MMP16: variants seen among roughly 807,000 people sequenced by gnomAD.
MMP16 encodes matrix metalloproteinase-16.
A neutral mutation model predicts 67.8 loss-of-function variants in MMP16; 12 were observed. That is an observed-to-expected ratio of 0.18 (90% CI 0.11 to 0.29). The LOEUF is 0.29. Ranked by LOEUF, MMP16 falls within the 10% of genes least tolerant of loss-of-function variation. MMP16 has a pLI of 1.00. For synonymous variants in MMP16, 249 were observed against 255.9 expected (o/e 0.97, Z 0.26); for missense variants, 475 against 765.7 (o/e 0.62, Z 4.48).
chr8:88,205,337 G>A (rs1326997442), intron 1 of MMP16, among the ~76,000 whole-genome samples: 1 of 152,032 alleles, frequency 6.6e-6, no homozygotes, highest in Non-Finnish European at 1.5e-5. Flanking sequence ...GAAAGCCTAG[G>A]AGACCCTATT....
chr8:88,322,649 T>C (rs577035332), intron 1 of MMP16, among the ~76,000 whole-genome samples: 190 of 151,260 alleles, frequency 1.3e-3, no homozygotes, highest in Non-Finnish European at 2.4e-3. Flanking sequence ...GACAACATAG[T>C]GAGATCTTGT....
chr8:88,327,428 C>G lies in MMP16; in HGVS notation c.-222G>C, dbSNP rs1000422180. ...GTCAGCAGTAGTTCCTGTTCACCAT[C>G]CTCCGGGGTCAGTCACCGGGAACGT... On this transcript the variant is annotated 5_prime_UTR_variant, in exon 1 of 10. Coordinates refer to ENST00000286614, the MANE Select transcript of MMP16 (RefSeq NM_005941.5). 9 of 517,724 alleles carry G rather than the reference C, an allele frequency of 1.7e-5. No homozygotes were observed. In the Admixed American group the frequency reaches 1.9e-4, roughly 11 times the overall value. The allele number at this position is 517,724 out of a possible 1,614,324, so 32.1% of individuals were successfully genotyped here. A position where few individuals can be genotyped will look rare whatever the true frequency, so the allele number is the denominator to read the frequency against.
At chr8:88,176,966 T>C (rs1808903292) in intron 3 of MMP16, among the ~76,000 whole-genome samples, 1 of 152,172 alleles carries the variant, frequency 6.6e-6, no homozygotes. Flanking sequence ...ATTGCATCGA[T>C]TTTGTGGAAA....
intron 6 of MMP16, among the ~76,000 whole-genome samples, chr8:88,096,983 A>G (rs568287662): frequency 2.0e-5 from 3 of 152,014 alleles, no homozygotes; most frequent in Non-Finnish European, 4.4e-5. Flanking sequence ...ATTTCATTGA[A>G]AGAAAAGACA....
intron 1 of MMP16, among the ~76,000 whole-genome samples, chr8:88,281,441 CATCCTGAAGGAAAGATGTA>C (rs769423489): frequency 1.3e-5 from 2 of 152,174 alleles, no homozygotes; most frequent in Non-Finnish European, 2.9e-5. Flanking sequence ...TTTTCAAAAT[CATCCTGAAGGAAAGATGTA>C]ATACAGGAAT....
At chr8:88,249,073 C>T (rs760849059) in intron 1 of MMP16, among the ~76,000 whole-genome samples, 3 of 151,660 alleles carry the variant, frequency 2.0e-5, no homozygotes, top group Non-Finnish European at 4.4e-5. Flanking sequence ...CTCAGAGACG[C>T]CTGGAACCAA....
intron 6 of MMP16, among the ~76,000 whole-genome samples, chr8:88,085,314 A>G (rs959727983): frequency 6.6e-6 from 1 of 152,076 alleles, no homozygotes; most frequent in East Asian, 1.9e-4. Context: ...GAAGTTTTCA[A>G]TATTTTATAA....
chr8:88,267,741 A>T (rs1202773403), intron 1 of MMP16, among the ~76,000 whole-genome samples: 1 of 152,244 alleles, frequency 6.6e-6, no homozygotes, highest in Admixed American at 6.5e-5. Context: ...GTAATATTAT[A>T]GTCAGCATAG....
intron 4 of MMP16, among the ~76,000 whole-genome samples, chr8:88,163,409 A>T (rs1808662887): frequency 6.6e-6 from 1 of 152,042 alleles, no homozygotes; most frequent in South Asian, 2.1e-4. Flanking sequence ...CTGCTACCAC[A>T]GCGTTGATAA....
chr8:88,045,563 G>C (rs1808189027), intron 9 of MMP16, among the ~76,000 whole-genome samples: 1 of 151,944 alleles, frequency 6.6e-6, no homozygotes, highest in Non-Finnish European at 1.5e-5. Context: ...AGTAGAGATG[G>C]GGGTGTCATC....
At chr8:88,097,939 G>T (rs1203983143) in intron 6 of MMP16, among the ~76,000 whole-genome samples, 1 of 151,840 alleles carries the variant, frequency 6.6e-6, no homozygotes, top group Middle Eastern at 3.2e-3. Context: ...ACTCCAGATT[G>T]CCAGGTCCTG....
chr8:88,207,583 C>T (rs1190812163), intron 1 of MMP16, among the ~76,000 whole-genome samples: 1 of 151,954 alleles, frequency 6.6e-6, no homozygotes, highest in Non-Finnish European at 1.5e-5. Flanking sequence ...CATGGCATTA[C>T]AAGCAACAGT....
intron 4 of MMP16, among the ~76,000 whole-genome samples, chr8:88,157,660 C>T (rs1780295864): frequency 6.6e-6 from 1 of 151,226 alleles, no homozygotes; most frequent in African/African-American, 2.4e-5. Context: ...CTGGTTTCAT[C>T]TGCTTCATTT....
At chr8:88,319,208 C>A (rs1811420978) in intron 1 of MMP16, among the ~76,000 whole-genome samples, 1 of 152,080 alleles carries the variant, frequency 6.6e-6, no homozygotes, top group Admixed American at 6.6e-5. Flanking sequence ...AATACCCAAA[C>A]CTCCAAAAAG....
intron 4 of MMP16, among the ~76,000 whole-genome samples, chr8:88,151,721 G>C (rs899770367): frequency 1.4e-4 from 22 of 151,758 alleles, no homozygotes; most frequent in Non-Finnish European, 3.1e-4. Context: ...GCAGTGTGTA[G>C]AGGGAAATTT....
intron 4 of MMP16, among the ~76,000 whole-genome samples, chr8:88,135,114 A>T (rs1293687867): frequency 1.3e-5 from 2 of 151,694 alleles, no homozygotes; most frequent in African/African-American, 4.8e-5. Flanking sequence ...AGTCCTTTAC[A>T]AGTTCCTAAT....
chr8:88,162,410 G>A (rs117800118), intron 4 of MMP16, among the ~76,000 whole-genome samples: 5,138 of 152,070 alleles, frequency 0.034, 145 homozygotes, highest in Middle Eastern at 0.068. Flanking sequence ...GAGAGAGTTC[G>A]TTCTCCAGTT....
At chr8:88,237,155 A>G (rs1288623426) in intron 1 of MMP16, among the ~76,000 whole-genome samples, 2 of 152,184 alleles carry the variant, frequency 1.3e-5, no homozygotes, top group Admixed American at 1.3e-4. Context: ...CACTGATAAG[A>G]CCATCCTCTA....
At chr8:88,236,343 A>G (rs2129886362) in intron 1 of MMP16, among the ~76,000 whole-genome samples, 1 of 152,370 alleles carries the variant, frequency 6.6e-6, no homozygotes, top group African/African-American at 2.4e-5. Flanking sequence ...CAATGTGCTT[A>G]GCACAGTGCC....
Sources: gnomAD v4.1 joint callset for allele counts (sites outside exome capture counted in the v4.1 genomes callset) on GRCh38, gnomAD v4.1.1 for gene constraint, MANE v1.5 for transcripts, NCBI Gene and HGNC (gene_info 2026-07-23, HGNC 2026-07-21) for gene names.